UBE2V2: variants seen among roughly 807,000 people sequenced by gnomAD.
UBE2V2 encodes ubiquitin conjugating enzyme E2 V2, also known as ubiquitin-conjugating enzyme E2 variant 2.
Under a neutral mutation model 17.2 loss-of-function variants are expected in UBE2V2, and 9 were observed. That is an observed-to-expected ratio of 0.52 (90% CI 0.32 to 0.91). UBE2V2 has a LOEUF of 0.91. Among genes scored for constraint, UBE2V2 ranks in the 40% least tolerant of loss-of-function variants. The pLI, the probability that UBE2V2 is intolerant of heterozygous loss-of-function variation, is 0.04. For missense variants in UBE2V2, 133 were observed against 182.6 expected, an observed-to-expected ratio of 0.73 and a Z score of 1.56; for synonymous variants, 61 against 57.5, an observed-to-expected ratio of 1.06 and a Z score of -0.28.
the UBE2V2 span, among the ~76,000 whole-genome samples, chr8:48,001,957 C>A: frequency 1.3e-5 from 2 of 151,966 alleles, no homozygotes; most frequent in African/African-American, 4.8e-5. Context: ...GACGTGGTGG[C>A]GCATGCCTGT....
chr8:48,035,667 A>T (rs1319197421), intron 1 of UBE2V2, among the ~76,000 whole-genome samples: 58 of 54,192 alleles, frequency 1.1e-3, no homozygotes, highest in Non-Finnish European at 1.3e-3. Flanking sequence ...GTGTATATGT[A>T]TGTATGCTTT....
At chr8:48,040,551 C>T (rs998081480) in intron 1 of UBE2V2, among the ~76,000 whole-genome samples, 5 of 152,094 alleles carry the variant, frequency 3.3e-5, no homozygotes, top group Admixed American at 2.6e-4. Flanking sequence ...CATTTCTGTA[C>T]TGATTCCATA....
At chr8:48,009,129 TG>T (rs967621927) in intron 1 of UBE2V2, among the ~76,000 whole-genome samples, 3 of 152,226 alleles carry the variant, frequency 2.0e-5, no homozygotes, top group African/African-American at 7.2e-5. Context: ...CTGAATACAA[TG>T]TTTGGTTTCC....
chr8:48,058,993 G>A (rs900218647), intron 3 of UBE2V2, among the ~76,000 whole-genome samples: 12 of 151,510 alleles, frequency 7.9e-5, no homozygotes, highest in Admixed American at 3.9e-4. Flanking sequence ...TGCAACCTCC[G>A]CCTCCCAGAT....
intron 3 of UBE2V2, among the ~76,000 whole-genome samples, chr8:48,058,587 A>G (rs1254112003): frequency 6.6e-6 from 1 of 151,780 alleles, no homozygotes; most frequent in African/African-American, 2.4e-5. Context: ...AAAAAAAAAA[A>G]AAAAAGAAAA....
intron 1 of UBE2V2, among the ~76,000 whole-genome samples, chr8:48,009,267 C>CTTTTTTTTTTT: frequency 7.5e-6 from 1 of 133,798 alleles, no homozygotes; most frequent in Non-Finnish European, 1.6e-5. Context: ...CTTTTCTTTT[C>CTTTTTTTTTTT]TTTTTTTTTT....
At chr8:48,019,238 G>A (rs1380630719) in intron 1 of UBE2V2, among the ~76,000 whole-genome samples, 3 of 152,116 alleles carry the variant, frequency 2.0e-5, no homozygotes, top group African/African-American at 4.8e-5. Flanking sequence ...GGTGGCGGGC[G>A]CCTGTGACCC....
At chr8:48,033,168 G>C (rs2091395570) in intron 1 of UBE2V2, among the ~76,000 whole-genome samples, 1 of 152,054 alleles carries the variant, frequency 6.6e-6, no homozygotes, top group South Asian at 2.1e-4. Flanking sequence ...AAAAGACTCA[G>C]TGATTTTTTT....
At position 48,035,182 on chromosome 8, in the gene UBE2V2, C is replaced by T. The variant is rs573576220; in HGVS notation, c.17-7851C>T. On this transcript the variant is annotated intron_variant, in intron 1 of 3. Coordinates refer to ENST00000523111, the MANE Select transcript of UBE2V2 (RefSeq NM_003350.3). Reference sequence around the variant, plus strand: ...CGAGGCTGTAGTGCAGTGGCACAATCTCAGCTCACTGCTACTTCTGCCTCC... The same window carrying T: ...CGAGGCTGTAGTGCAGTGGCACAATTTCAGCTCACTGCTACTTCTGCCTCC... 34 of 920,378 alleles carry T rather than the reference C, an allele frequency of 3.7e-5. No individual in the cohort carries two copies. In the South Asian group the frequency reaches 1.5e-3, roughly 42 times the overall value. The allele number at this position is 920,378 out of a possible 1,614,324, so 57.0% of individuals were successfully genotyped here. A position where few individuals can be genotyped will look rare whatever the true frequency, so the allele number is the denominator to read the frequency against.
chr8:48,017,846 C>A (rs188200903), intron 1 of UBE2V2, among the ~76,000 whole-genome samples: 9 of 134,636 alleles, frequency 6.7e-5, no homozygotes, highest in Admixed American at 1.5e-4. Context: ...CATAGATTGC[C>A]TTTTTTTTTT....
rs2154508466 is a variant in UBE2V2 at position 48,064,393 on chromosome 8, A to G, written c.*3565A>G. 1 of 152,336 alleles carries G rather than the reference A, an allele frequency of 6.6e-6. No individual in the cohort carries two copies. Among genetic ancestry groups the G allele is most frequent in the Admixed American group, 6.5e-5 (1 of 15,292 alleles). The allele number at this position is 152,336 out of a possible 1,614,324, so 9.4% of individuals were successfully genotyped here. On this transcript the variant is annotated 3_prime_UTR_variant, in exon 4 of 4. Coordinates refer to ENST00000523111, the MANE Select transcript of UBE2V2 (RefSeq NM_003350.3). ...TGTATTTTTTTGTATACAAGATAAA[A>G]GTGTCATAAAAAGGAATGGATGAAT... is the stretch of plus-strand genomic sequence containing the variant.
chr8:48,064,556 G>A lies in UBE2V2; in HGVS notation c.*3728G>A, dbSNP rs1382118754. ...TCTTACCATAGTTCATACTGAAAAT[G>A]TTGTTTATTTAAAAGTATTGTGGAG... On this transcript the variant is annotated 3_prime_UTR_variant, in exon 4 of 4. Transcript: ENST00000523111. 6.6e-6 allele frequency: 1 copy of A among 152,104 alleles called. No homozygotes were observed. Among genetic ancestry groups the A allele is most frequent in the East Asian group, 1.9e-4 (1 of 5,184 alleles). 9.4% of individuals were successfully genotyped at this position (152,104 alleles called of 1,614,324 possible).
intron 1 of UBE2V2, among the ~76,000 whole-genome samples, chr8:48,020,986 C>A (rs932893718): frequency 2.0e-5 from 3 of 151,322 alleles, no homozygotes; most frequent in African/African-American, 7.3e-5. Context: ...GCCTCAAGTG[C>A]TTCTCCCACC....
chr8:47,998,431 C>T, the UBE2V2 span, among the ~76,000 whole-genome samples: 4 of 151,944 alleles, frequency 2.6e-5, no homozygotes, highest in East Asian at 1.9e-4. Context: ...GTCCCTGACA[C>T]AGAGGAACCA....
At chr8:48,054,973 A>G (rs1020661517) in intron 3 of UBE2V2, among the ~76,000 whole-genome samples, 12 of 151,408 alleles carry the variant, frequency 7.9e-5, no homozygotes, top group Non-Finnish European at 1.6e-4. Flanking sequence ...AGGATTTGCA[A>G]TCACTTATGT....
upstream of UBE2V2, among the ~76,000 whole-genome samples, chr8:48,005,140 C>T (rs867568348): frequency 2.6e-5 from 4 of 151,510 alleles, no homozygotes; most frequent in African/African-American, 4.8e-5. Flanking sequence ...ATCTACATTA[C>T]GTATTTCTCC....
At chr8:48,025,880 G>A (rs1156458712) in intron 1 of UBE2V2, among the ~76,000 whole-genome samples, 1 of 152,122 alleles carries the variant, frequency 6.6e-6, no homozygotes, top group Non-Finnish European at 1.5e-5. Context: ...GATTACAGGC[G>A]TGAGCCACCG....
At chr8:48,043,310 A>G (rs1025158873) in intron 2 of UBE2V2, 129 bp downstream of exon 2, 1 of 744,606 alleles carries the variant, frequency 1.3e-6, no homozygotes, top group African/African-American at 1.8e-5. Flanking sequence ...TTTTGTTTAC[A>G]TTTATTGATG....
At chr8:47,997,794 A>T in the UBE2V2 span, among the ~76,000 whole-genome samples, 4 of 151,666 alleles carry the variant, frequency 2.6e-5, no homozygotes, top group Non-Finnish European at 4.4e-5. Context: ...AGGAGGCGGG[A>T]TGGTTGGAGA....
Sources: gnomAD v4.1 joint callset for allele counts (sites outside exome capture counted in the v4.1 genomes callset) on GRCh38, gnomAD v4.1.1 for gene constraint, MANE v1.5 for transcripts, NCBI Gene and HGNC (gene_info 2026-07-23, HGNC 2026-07-21) for gene names.